FRMD4A: variants seen among roughly 807,000 people sequenced by gnomAD.
FRMD4A encodes the protein FERM domain-containing protein 4A.
FRMD4A carries 29 observed loss-of-function variants against 129.1 expected under a neutral mutation model. The observed-to-expected ratio is 0.22, with a 90% CI of 0.17 to 0.31. The LOEUF is 0.31. Ranked by LOEUF, FRMD4A falls within the 10% of genes least tolerant of loss-of-function variation. FRMD4A has a pLI of 1.00. For missense variants in FRMD4A, 1,272 were observed against 1,375.8 expected (o/e 0.92, Z 1.19); for synonymous variants, 634 against 571.6 (o/e 1.11, Z -1.56).
At chr10:13,705,377 C>T (rs574261600) in intron 13 of FRMD4A, among the ~76,000 whole-genome samples, 3 of 152,208 alleles carry the variant, frequency 2.0e-5, no homozygotes, top group Admixed American at 6.5e-5. Context: ...TATATGCGTG[C>T]GTGGTTAAAG....
At chr10:14,139,290 T>C (rs2131839352) in intron 2 of FRMD4A, among the ~76,000 whole-genome samples, 1 of 152,284 alleles carries the variant, frequency 6.6e-6, no homozygotes, top group South Asian at 2.1e-4. Context: ...GTTTACAATT[T>C]CTGTATTTGA....
intron 2 of FRMD4A, among the ~76,000 whole-genome samples, chr10:14,323,702 A>G (rs1175600375): frequency 1.3e-5 from 2 of 152,192 alleles, no homozygotes; most frequent in Non-Finnish European, 2.9e-5. Flanking sequence ...GTTATCAGCC[A>G]GTTGATTACT....
rs114058232 is a variant in FRMD4A at position 14,286,342 on chromosome 10, C to T, written c.45+43716G>A. Among the ~76,000 whole-genome samples the T allele has an allele frequency of 1.8e-3, 280 of 152,262 alleles. 1 individual carries two copies. Among genetic ancestry groups the T allele is most frequent in the African/African-American group, 5.7e-3 (238 of 41,546 alleles). On this transcript the variant is annotated intron_variant, in intron 2 of 24. Transcript: ENST00000357447. ...CTCTTGAATGGAAGCATGGGAAGGA[C>T]GAGACGCTCCCGTGTCCCTCAGCAA...
chr10:13,779,356 T>A (rs1261424086), intron 6 of FRMD4A, among the ~76,000 whole-genome samples: 7 of 152,030 alleles, frequency 4.6e-5, no homozygotes, highest in African/African-American at 1.5e-4. Flanking sequence ...CTTCCATCAA[T>A]GTTCTGACAA....
intron 16 of FRMD4A, among the ~76,000 whole-genome samples, chr10:13,672,700 C>G (rs1245011891): frequency 6.7e-6 from 1 of 149,012 alleles, no homozygotes; most frequent in African/African-American, 2.6e-5. Context: ...TATATCCTGC[C>G]AAATGCTCTC....
At chr10:13,898,451 G>A (rs1234856131) in intron 2 of FRMD4A, among the ~76,000 whole-genome samples, 2 of 152,246 alleles carry the variant, frequency 1.3e-5, no homozygotes, top group Admixed American at 1.3e-4. Context: ...GGAAGAGGAT[G>A]CAAATTCTTG....
intron 2 of FRMD4A, among the ~76,000 whole-genome samples, chr10:13,962,496 G>A (rs1000262566): frequency 9.9e-5 from 15 of 152,132 alleles, no homozygotes; most frequent in African/African-American, 2.7e-4. Flanking sequence ...AGAACCTTTT[G>A]AGAATGGTAA....
At chr10:14,182,530 G>A (rs1010062857) in intron 2 of FRMD4A, among the ~76,000 whole-genome samples, 5 of 152,212 alleles carry the variant, frequency 3.3e-5, no homozygotes, top group African/African-American at 1.2e-4. Context: ...CTGGACAACA[G>A]AGCAAGAGAA....
intron 2 of FRMD4A, among the ~76,000 whole-genome samples, chr10:13,974,612 C>T (rs1588643645): frequency 6.6e-6 from 1 of 152,160 alleles, no homozygotes; most frequent in African/African-American, 2.4e-5. Context: ...CTGCAACCTC[C>T]GCCTCTTGGG....
At chr10:13,751,416 G>T (rs79297765) in intron 8 of FRMD4A, among the ~76,000 whole-genome samples, 2,003 of 152,290 alleles carry the variant, frequency 0.013, 82 homozygotes, top group South Asian at 0.12. Context: ...CAAATCTATA[G>T]AAATGTTCTG....
intron 2 of FRMD4A, among the ~76,000 whole-genome samples, chr10:13,969,544 C>T (rs535046801): frequency 4.0e-4 from 61 of 152,106 alleles, no homozygotes; most frequent in Non-Finnish European, 8.1e-4. Flanking sequence ...GCCCACCCTG[C>T]TTAGTTGATT....
At chr10:13,672,838 A>G in intron 16 of FRMD4A, among the ~76,000 whole-genome samples, 1 of 152,200 alleles carries the variant, frequency 6.6e-6, no homozygotes, top group East Asian at 1.9e-4. Context: ...TTGACTACAC[A>G]TGCGTCAAGA....
At chr10:14,283,206 G>T (rs1845577932) in intron 2 of FRMD4A, among the ~76,000 whole-genome samples, 1 of 152,206 alleles carries the variant, frequency 6.6e-6, no homozygotes, top group Non-Finnish European at 1.5e-5. Flanking sequence ...GTAATTCTCA[G>T]CTAAATCGCC....
chr10:13,772,773 G>A (rs1395807539), intron 6 of FRMD4A, among the ~76,000 whole-genome samples: 1 of 152,206 alleles, frequency 6.6e-6, no homozygotes, highest in African/African-American at 2.4e-5. Flanking sequence ...AACTCATGGA[G>A]ACAGAATAGA....
At chr10:13,649,723 G>A (rs1378611460) in intron 24 of FRMD4A, 2 of 152,168 alleles carry the variant, frequency 1.3e-5, no homozygotes, top group Non-Finnish European at 2.9e-5. Flanking sequence ...CCTTGTTCTG[G>A]CTGCTCAGCT....
At chr10:14,255,534 A>T (rs1408485628) in intron 2 of FRMD4A, among the ~76,000 whole-genome samples, 3 of 152,224 alleles carry the variant, frequency 2.0e-5, no homozygotes, top group African/African-American at 7.2e-5. Flanking sequence ...AGTTTCAGAG[A>T]CCAATGCAGC....
At position 13,780,384 on chromosome 10, in the gene FRMD4A, G is replaced by A. The variant is rs187476857; in HGVS notation, c.384+2538C>T. Among the ~76,000 whole-genome samples the A allele has an allele frequency of 6.0e-3, 918 of 152,046 alleles. 12 individuals carry two copies. The highest frequency in any genetic ancestry group is 0.021 in the African/African-American group (885 of 41,464). On this transcript the variant is annotated intron_variant, in intron 6 of 24. Coordinates refer to ENST00000357447, the MANE Select transcript of FRMD4A (RefSeq NM_018027.5). ...TCCTAACCTCAGTGATATTCCGCAAGTCCATCTTCCCCGGGAGGAGGTGTG... is the reference window on the plus strand; with the variant it reads ...TCCTAACCTCAGTGATATTCCGCAAATCCATCTTCCCCGGGAGGAGGTGTG...
intron 2 of FRMD4A, among the ~76,000 whole-genome samples, chr10:14,006,061 C>T (rs1298224303): frequency 2.0e-5 from 3 of 152,166 alleles, no homozygotes; most frequent in African/African-American, 7.2e-5. Flanking sequence ...TTGCCCTTAC[C>T]TCTCCTCCTC....
intron 2 of FRMD4A, among the ~76,000 whole-genome samples, chr10:14,301,438 A>C (rs1490753018): frequency 6.6e-6 from 1 of 152,230 alleles, no homozygotes; most frequent in Non-Finnish European, 1.5e-5. Flanking sequence ...TGATAGAGGA[A>C]ACGTCTCCTA....
Sources: gnomAD v4.1 joint callset for allele counts (sites outside exome capture counted in the v4.1 genomes callset) on GRCh38, gnomAD v4.1.1 for gene constraint, MANE v1.5 for transcripts, NCBI Gene and HGNC (gene_info 2026-07-23, HGNC 2026-07-21) for gene names.